RNF11: variants seen among roughly 807,000 people sequenced by gnomAD.
The protein encoded by RNF11 is ring finger protein 11.
RNF11 carries 4 observed loss-of-function variants against 15.8 expected under a neutral mutation model. The ratio of observed to expected loss-of-function variants is 0.25; its 90% CI spans 0.12 to 0.58. The LOEUF (loss-of-function observed/expected upper bound fraction) is 0.58, where lower values mean the gene tolerates loss of function less well. RNF11 is among the 20% of genes least tolerant of loss of function. The pLI, the probability that RNF11 is intolerant of heterozygous loss-of-function variation, is 0.91. For missense variants in RNF11, 139 were observed against 194.4 expected, an observed-to-expected ratio of 0.71 and a Z score of 1.70; for synonymous variants, 68 against 72.3, an observed-to-expected ratio of 0.94 and a Z score of 0.30.
chr1:51,253,770 T>TA (rs1206657625), intron 1 of RNF11, among the ~76,000 whole-genome samples: 1 of 152,194 alleles, frequency 6.6e-6, no homozygotes, highest in Non-Finnish European at 1.5e-5. Context: ...TTTTAAATAA[T>TA]ACTATGAATG....
Position 51,272,233 on chromosome 1 carries a change from T to G in RNF11, c.*911T>G, listed in dbSNP as rs938621883. The G allele has an allele frequency of 6.6e-5, 10 of 152,648 alleles. No individual in the cohort carries two copies. Among genetic ancestry groups the G allele is most frequent in the African/African-American group, 2.2e-4 (9 of 41,474 alleles). 9.5% of individuals were successfully genotyped at this position (152,648 alleles called of 1,614,324 possible). A position where few individuals can be genotyped will look rare whatever the true frequency, so the allele number is the denominator to read the frequency against. On this transcript the variant is annotated 3_prime_UTR_variant, in exon 3 of 3. Coordinates refer to ENST00000242719, the MANE Select transcript of RNF11 (RefSeq NM_014372.5). ...ATGAAGGTGGCACCGTGGTGAGACC[T>G]AATGAGAAATAGTTACTCAGTTGTA...
Position 51,271,213 on chromosome 1 carries a change from A to G in RNF11, c.356A>G (p.His119Arg). 6.2e-7 allele frequency: 1 copy of G among 1,613,938 alleles called. No individual in the cohort carries two copies. The highest frequency in any genetic ancestry group is 8.5e-7 in the Non-Finnish European group (1 of 1,179,848). The stretch of plus-strand genomic sequence containing the variant: ...CCAATTCGATTTCTGCCGTGCATGC[A>G]CATCTATCACCTGGACTGTATAGAT... The part of the protein sequence containing the change: ...GDPIRFLPCM[H>R]IYHLDCIDDW... Residue 119 changes from histidine to arginine, a missense_variant, in exon 3 of 3, where the codon CAC becomes CGC. Physicochemically the swap from His to Arg is conservative, Grantham distance 29 (BLOSUM62 0). Coordinates refer to ENST00000242719, the MANE Select transcript of RNF11 (RefSeq NM_014372.5).
At chr1:51,242,101 T>G (rs1169761340) in intron 1 of RNF11, among the ~76,000 whole-genome samples, 2 of 152,202 alleles carry the variant, frequency 1.3e-5, no homozygotes, top group African/African-American at 2.4e-5. Flanking sequence ...ATTTGAAATT[T>G]TAAAATCCTG....
At chr1:51,263,818 G>T (rs553613707) in intron 1 of RNF11, among the ~76,000 whole-genome samples, 2 of 152,256 alleles carry the variant, frequency 1.3e-5, no homozygotes, top group South Asian at 4.1e-4. Flanking sequence ...ATAAGTGATG[G>T]TTGCATAGCT....
At chr1:51,268,176 A>C (rs1304161832) in intron 1 of RNF11, among the ~76,000 whole-genome samples, 1 of 152,254 alleles carries the variant, frequency 6.6e-6, no homozygotes, top group East Asian at 1.9e-4. Context: ...GATAACTCAG[A>C]TATCAAGCCA....
chr1:51,257,343 AC>A (rs1329733778), intron 1 of RNF11, among the ~76,000 whole-genome samples: 1 of 152,238 alleles, frequency 6.6e-6, no homozygotes, highest in Non-Finnish European at 1.5e-5. Context: ...GGAAGCACTC[AC>A]GTGAGGACCT....
At position 51,236,896 on chromosome 1, in the gene RNF11, G is replaced by T. The variant is rs1286574926; in HGVS notation, c.123+17G>T. 1.2e-6 allele frequency: 2 copies of T among 1,601,132 alleles called. No individual in the cohort carries two copies. Among genetic ancestry groups the T allele is most frequent in the South Asian group, 1.1e-5 (1 of 89,462 alleles). ...CCATATCAGGTAGGGGAGGGTGTGTGTTGGGGGGAGCGAGTAGAGGCAGCT... is the reference window on the plus strand; with the variant it reads ...CCATATCAGGTAGGGGAGGGTGTGTTTTGGGGGGAGCGAGTAGAGGCAGCT... On this transcript the variant is annotated intron_variant, in intron 1 of 2. Coordinates refer to ENST00000242719, the MANE Select transcript of RNF11 (RefSeq NM_014372.5).
chr1:51,266,053 T>G (rs1646953242), intron 1 of RNF11: 1 of 152,178 alleles, frequency 6.6e-6, no homozygotes, highest in Non-Finnish European at 1.5e-5. Context: ...TTGTCTGTTA[T>G]GCTGATGAGG....
intron 1 of RNF11, among the ~76,000 whole-genome samples, chr1:51,253,455 C>T (rs929340148): frequency 5.4e-5 from 8 of 148,376 alleles, no homozygotes; most frequent in African/African-American, 1.0e-4. Context: ...CCCAGGAGCT[C>T]GAGGTAACAG....
intron 1 of RNF11, among the ~76,000 whole-genome samples, chr1:51,264,472 T>C (rs969385753): frequency 5.3e-5 from 8 of 151,670 alleles, no homozygotes. Flanking sequence ...AGAACATACA[T>C]TGAGACCAAC....
At chr1:51,253,477 C>G (rs549589013) in intron 1 of RNF11, among the ~76,000 whole-genome samples, 2 of 147,832 alleles carry the variant, frequency 1.4e-5, no homozygotes, top group Non-Finnish European at 3.0e-5. Context: ...GAGATATGAT[C>G]ACACCACTAC....
chr1:51,261,141 T>G (rs1646928737), intron 1 of RNF11, among the ~76,000 whole-genome samples: 1 of 152,222 alleles, frequency 6.6e-6, no homozygotes, highest in South Asian at 2.1e-4. Context: ...AAAACATGTT[T>G]TAATGAACTC....
rs75836259 is a variant in RNF11, at chr1:51,240,280, A to G, written c.123+3401A>G. 9.2e-4 allele frequency among the ~76,000 whole-genome samples: 140 copies of G among 152,252 alleles called. 2 individuals are homozygous for G. Among genetic ancestry groups the G allele is most frequent in the African/African-American group, 3.2e-3 (134 of 41,546 alleles). On this transcript the variant is annotated intron_variant, in intron 1 of 2. Transcript: ENST00000242719. ...GCTTCCCTGTCCTCATTGCTATTCT[A>G]GGACCTTTGTCCTCCTTATTCTGGA...
At chr1:51,249,261 T>C (rs867791223) in intron 1 of RNF11, among the ~76,000 whole-genome samples, 46 of 152,212 alleles carry the variant, frequency 3.0e-4, no homozygotes, top group African/African-American at 1.1e-3. Context: ...TTTCTTTTGA[T>C]TGACTGATTG....
chr1:51,251,440 G>C (rs1311549244), intron 1 of RNF11: 9 of 794,366 alleles, frequency 1.1e-5, no homozygotes, highest in Non-Finnish European at 1.8e-5. Flanking sequence ...GGGCCTCCGG[G>C]CCCCCCCCCG....
intron 1 of RNF11, among the ~76,000 whole-genome samples, chr1:51,239,564 T>G (rs934066807): frequency 6.6e-6 from 1 of 152,158 alleles, no homozygotes; most frequent in African/African-American, 2.4e-5. Flanking sequence ...CCAAGGTTAT[T>G]TATTCATTTA....
chr1:51,247,243 T>C (rs772635741), intron 1 of RNF11, among the ~76,000 whole-genome samples: 6 of 151,850 alleles, frequency 4.0e-5, no homozygotes, highest in African/African-American at 1.2e-4. Context: ...TTCACCTTGT[T>C]GCCTAGGCTG....
intron 1 of RNF11, among the ~76,000 whole-genome samples, chr1:51,237,689 G>C (rs868588727): frequency 2.0e-5 from 3 of 151,990 alleles, no homozygotes; most frequent in African/African-American, 7.2e-5. Context: ...TGCAGAATTC[G>C]AGTGAAGACC....
chr1:51,261,355 G>T (rs77929757), intron 1 of RNF11, among the ~76,000 whole-genome samples: 3,280 of 152,200 alleles, frequency 0.022, 105 homozygotes, highest in African/African-American at 0.067. Context: ...AAAAAAAAGT[G>T]TTAAGAATCC....
Sources: allele counts gnomAD v4.1 joint callset (sites outside exome capture counted in the v4.1 genomes callset), GRCh38; gene constraint gnomAD v4.1.1; transcripts MANE v1.5; gene names NCBI Gene and HGNC (gene_info 2026-07-23, HGNC 2026-07-21).